PCDHGA8: variants seen among roughly 807,000 people sequenced by gnomAD.
PCDHGA8 encodes protocadherin gamma subfamily A, 8, also known as protocadherin gamma-A8.
A neutral mutation model predicts 59.2 loss-of-function variants in PCDHGA8; 45 were observed. That is an observed-to-expected ratio of 0.76 (90% CI 0.60 to 0.98). PCDHGA8 has a LOEUF of 0.98. Among genes scored for constraint, PCDHGA8 ranks in the 50% least tolerant of loss-of-function variants. The probability of loss-of-function intolerance (pLI) is 0.00; values close to 1 mark genes in which losing one functional copy is unlikely to be tolerated. For missense variants in PCDHGA8, 1,257 were observed against 1,196.2 expected, an observed-to-expected ratio of 1.05 and a Z score of -0.75; for synonymous variants, 531 against 519.0, an observed-to-expected ratio of 1.02 and a Z score of -0.32.
chr5:141,401,370 G>A (rs1226150761), intron 1 of PCDHGA8, among the ~76,000 whole-genome samples: 1 of 152,028 alleles, frequency 6.6e-6, no homozygotes, highest in Non-Finnish European at 1.5e-5. Flanking sequence ...AGGAGAGGAA[G>A]AAGAAGAAAA....
At chr5:141,410,675 T>A in intron 1 of PCDHGA8, 1 of 1,551,642 alleles carries the variant, frequency 6.4e-7, no homozygotes, top group Non-Finnish European at 8.6e-7. Context: ...GTTTCTCATA[T>A]TTTAGGCATA....
At position 141,414,031 on chromosome 5, in the gene PCDHGA8, C is replaced by G. The variant is rs900884760; in HGVS notation, c.2424+18794C>G. The G allele has an allele frequency of 1.2e-6, 2 of 1,611,740 alleles. No homozygotes were observed. The highest frequency in any genetic ancestry group is 2.7e-5 in the African/African-American group (2 of 74,762). On this transcript the variant is annotated intron_variant, in intron 1 of 3. Coordinates refer to ENST00000398604, the MANE Select transcript of PCDHGA8 (RefSeq NM_032088.2). ...CAATGGAGAAGTGACATATTCATTC[C>G]GAAAATTACCTGACACGCAATTGTT... is the stretch of plus-strand genomic sequence containing the variant.
intron 1 of PCDHGA8, chr5:141,421,906 G>C: frequency 6.2e-7 from 1 of 1,613,770 alleles, no homozygotes; most frequent in Non-Finnish European, 8.5e-7. Context: ...AAAGGGCGCA[G>C]TTCCCATTCG....
At chr5:141,397,642 T>A (rs1015821056) in intron 1 of PCDHGA8, among the ~76,000 whole-genome samples, 1 of 152,236 alleles carries the variant, frequency 6.6e-6, no homozygotes, top group African/African-American at 2.4e-5. Context: ...GTTCAAGGTA[T>A]GTTTGCAGAA....
In PCDHGA8 at chr5:141,409,573, C is replaced by A. The variant is rs562811168; in HGVS notation, c.2424+14336C>A. 7 of 1,613,816 alleles carry A rather than the reference C, an allele frequency of 4.3e-6. No individual in the cohort carries two copies. In the Admixed American group the frequency reaches 1.2e-4, roughly 27 times the overall value. ...CCCCAGTTTTCGACCAGACGTCCTA[C>A]GTGGTCCACGTGGCCGAGAACAACC... On this transcript the variant is annotated intron_variant, in intron 1 of 3. Transcript: ENST00000398604.
intron 1 of PCDHGA8, chr5:141,478,917 T>A: frequency 1.3e-6 from 1 of 772,666 alleles, no homozygotes; most frequent in Middle Eastern, 3.9e-4. Flanking sequence ...TGGATACCTC[T>A]AACCAGTGGC....
chr5:141,394,873 C>T lies in PCDHGA8; in HGVS notation c.2060C>T (p.Ser687Leu), dbSNP rs376612124. The change falls in exon 1 of 4, where the codon TCG becomes TTG. Residue 687 changes from serine (S) to leucine (L), a missense_variant. Ser to Leu is a moderately radical substitution (Grantham distance 145). Coordinates refer to ENST00000398604, the MANE Select transcript of PCDHGA8 (RefSeq NM_032088.2). ...SLKPSVDPND[S>L]SLTLYLVVAV... Reference sequence around the variant, plus strand: ...AAGCCTTCGGTCGACCCGAACGATTCGAGCCTTACACTCTATCTCGTGGTG... The same window carrying T: ...AAGCCTTCGGTCGACCCGAACGATTTGAGCCTTACACTCTATCTCGTGGTG... 6.8e-6 allele frequency: 11 copies of T among 1,613,708 alleles called. No individual in the cohort carries two copies. The highest frequency in any genetic ancestry group is 8.5e-6 in the Non-Finnish European group (10 of 1,179,910).
At chr5:141,396,645 A>G (rs1224275677) in intron 1 of PCDHGA8, 1 of 152,172 alleles carries the variant, frequency 6.6e-6, no homozygotes, top group Non-Finnish European at 1.5e-5. Context: ...TAATATTAAT[A>G]GTAAAAACTC....
Position 141,412,905 on chromosome 5 carries a change from A to G in PCDHGA8, c.2424+17668A>G, listed in dbSNP as rs145108034. The stretch of plus-strand genomic sequence containing the variant: ...AACAGAATAGTTTACTTTCCATTGC[A>G]TGTATCACTTGGGTGCAGTAACTTC... On this transcript the variant is annotated intron_variant, in intron 1 of 3. Coordinates refer to ENST00000398604, the MANE Select transcript of PCDHGA8 (RefSeq NM_032088.2). 1.3e-3 allele frequency: 513 copies of G among 382,556 alleles called. 6 individuals are homozygous for G. The East Asian group carries it at 0.015, about 11-fold the overall frequency. 23.7% of individuals were successfully genotyped at this position (382,556 alleles called of 1,614,324 possible).
rs185055424 is a variant in PCDHGA8, at chr5:141,457,894, G to A, written c.2425-36913G>A. Among the ~76,000 whole-genome samples the A allele has an allele frequency of 3.2e-3, 488 of 152,332 alleles. 1 individual carries two copies. Among genetic ancestry groups the A allele is most frequent in the Non-Finnish European group, 5.0e-3 (342 of 68,028 alleles). On this transcript the variant is annotated intron_variant, in intron 1 of 3. Transcript: ENST00000398604. ...GTTAGGAACCCTGTGTGGGGACTGT[G>A]TAGACAAGGTGTGAGGCCAGTTCTC...
chr5:141,490,120 G>A lies in PCDHGA8; in HGVS notation c.2425-4687G>A. On this transcript the variant is annotated intron_variant, in intron 1 of 3. Coordinates refer to ENST00000398604, the MANE Select transcript of PCDHGA8 (RefSeq NM_032088.2). This position sits in a 1 kb window ranked among gnomAD's most constrained non-coding sequence, Gnocchi z 5.4. ...ATCTGAGGCAGTGCGGAACCTCTTT[G>A]GCCTAGACCCTAGCAGTGGGGCAAT... 6.2e-7 allele frequency: 1 copy of A among 1,614,224 alleles called. No homozygotes were observed. Among genetic ancestry groups the A allele is most frequent in the East Asian group, 2.2e-5 (1 of 44,888 alleles).
chr5:141,423,832 T>G, intron 1 of PCDHGA8: 113 of 1,253,376 alleles, frequency 9.0e-5, no homozygotes, highest in East Asian at 2.6e-4. Context: ...TTTCATGAGA[T>G]TACGATAATC....
chr5:141,401,060 T>A (rs1395651829), intron 1 of PCDHGA8, among the ~76,000 whole-genome samples: 3 of 152,216 alleles, frequency 2.0e-5, no homozygotes, highest in Non-Finnish European at 4.4e-5. Flanking sequence ...ATACTATATG[T>A]TGGCTGGGTG....
intron 2 of PCDHGA8, among the ~76,000 whole-genome samples, chr5:141,504,947 A>G (rs1595930930): frequency 6.6e-6 from 1 of 152,200 alleles, no homozygotes; most frequent in Non-Finnish European, 1.5e-5. Context: ...GGAATGCACT[A>G]TGTTCAATGC....
In PCDHGA8 at chr5:141,432,785, G is replaced by A. The variant is rs1356593437; in HGVS notation, c.2424+37548G>A. 2.5e-6 allele frequency: 4 copies of A among 1,613,992 alleles called. No individual in the cohort carries two copies. The African/African-American group carries it at 4.0e-5, about 16-fold the overall frequency. On this transcript the variant is annotated intron_variant, in intron 1 of 3. Transcript: ENST00000398604. The surrounding 1 kb of genome is among the most constrained non-coding windows in gnomAD (Gnocchi z 6.0). ...CATCCCCCAAGTCCTGGCGGACCTC[G>A]GCAGCCTCGAGTCTCCAGCTAACTC...
intron 1 of PCDHGA8, among the ~76,000 whole-genome samples, chr5:141,460,961 A>ATATG (rs1463306338): frequency 3.5e-5 from 5 of 144,556 alleles, no homozygotes; most frequent in African/African-American, 1.3e-4. Flanking sequence ...GTATATATAT[A>ATATG]TGTGTGTGTG....
At chr5:141,441,730 A>ATGGT in intron 1 of PCDHGA8, 1 of 362,748 alleles carries the variant, frequency 2.8e-6, no homozygotes, top group South Asian at 2.2e-5. Flanking sequence ...CGCGACCAGG[A>ATGGT]CTAGCTCGCG....
At chr5:141,445,284 C>A (rs2098462533) in intron 1 of PCDHGA8, among the ~76,000 whole-genome samples, 1 of 152,178 alleles carries the variant, frequency 6.6e-6, no homozygotes, top group African/African-American at 2.4e-5. Flanking sequence ...TGCATAAGTT[C>A]AGGCTTCCAT....
intron 1 of PCDHGA8, among the ~76,000 whole-genome samples, chr5:141,482,914 A>G (rs1023561837): frequency 6.6e-6 from 1 of 152,162 alleles, no homozygotes; most frequent in Non-Finnish European, 1.5e-5. Context: ...TCTATTAAAA[A>G]TACAAAAAAT....
Sources: allele counts gnomAD v4.1 joint callset (sites outside exome capture counted in the v4.1 genomes callset), GRCh38; gene constraint gnomAD v4.1.1; non-coding constraint Gnocchi (gnomAD v3.1); transcripts MANE v1.5; gene names NCBI Gene and HGNC (gene_info 2026-07-23, HGNC 2026-07-21).